The following TBC1D22B variants were observed in gnomAD, a reference collection of about 807,000 sequenced individuals.
TBC1D22B encodes the protein TBC1 domain family member 22B.
A neutral mutation model predicts 69.1 loss-of-function variants in TBC1D22B; 32 were observed. The ratio of observed to expected loss-of-function variants is 0.46; its 90% CI spans 0.35 to 0.62. TBC1D22B has a LOEUF of 0.62. TBC1D22B is among the 20% of genes least tolerant of loss of function. The pLI is 0.00. For missense variants in TBC1D22B, 462 were observed against 630.9 expected, an observed-to-expected ratio of 0.73 and a Z score of 2.87; for synonymous variants, 206 against 229.8, an observed-to-expected ratio of 0.90 and a Z score of 0.94.
chr6:37,280,682 G>C (rs1241917521), intron 3 of TBC1D22B, among the ~76,000 whole-genome samples: 1 of 152,234 alleles, frequency 6.6e-6, no homozygotes, highest in Non-Finnish European at 1.5e-5. Context: ...CCCCCGCCCA[G>C]CCCAGAGCAT....
At chr6:37,262,458 C>G (rs1447942406) in intron 1 of TBC1D22B, among the ~76,000 whole-genome samples, 1 of 152,244 alleles carries the variant, frequency 6.6e-6, no homozygotes, top group Non-Finnish European at 1.5e-5. Context: ...GTTGGGATTA[C>G]AGGCATGAGC....
chr6:37,293,380 C>G (rs1458823425), intron 8 of TBC1D22B, among the ~76,000 whole-genome samples: 1 of 152,120 alleles, frequency 6.6e-6, no homozygotes, highest in Non-Finnish European at 1.5e-5. Context: ...CCTGGCCCAA[C>G]TTTACATTAT....
At chr6:37,286,749 G>A (rs1436875314) in intron 6 of TBC1D22B, among the ~76,000 whole-genome samples, 1 of 151,904 alleles carries the variant, frequency 6.6e-6, no homozygotes, top group Non-Finnish European at 1.5e-5. Flanking sequence ...TTCGAGATCA[G>A]CCTGGTCAAC....
chr6:37,266,743 G>A (rs1218888780), intron 1 of TBC1D22B, among the ~76,000 whole-genome samples: 1 of 151,322 alleles, frequency 6.6e-6, no homozygotes, highest in Non-Finnish European at 1.5e-5. Context: ...GATTACAGGC[G>A]TGAGCCACCG....
At chr6:37,282,511 A>G in intron 4 of TBC1D22B, 147 bp downstream of exon 4, 1 of 1,014,642 alleles carries the variant, frequency 9.9e-7, no homozygotes, top group East Asian at 2.6e-5. Context: ...GCAGGTATTA[A>G]GTCAGACATA....
At position 37,332,189 on chromosome 6, in the gene TBC1D22B, G is replaced by A. The variant is rs1409006003; in HGVS notation, c.*1017G>A. ...GCTGTGAGGGGTAGAACGGGAGGCT[G>A]CTGAAGTGAGTAGCTGAGCAGCTGG... On this transcript the variant is annotated 3_prime_UTR_variant, in exon 13 of 13. Coordinates refer to ENST00000373491, the MANE Select transcript of TBC1D22B (RefSeq NM_017772.4). The A allele has an allele frequency of 6.6e-6, 1 of 152,488 alleles. No homozygotes were observed. The highest frequency in any genetic ancestry group is 1.5e-5 in the Non-Finnish European group (1 of 68,056). 9.4% of individuals were successfully genotyped at this position (152,488 alleles called of 1,614,324 possible).
chr6:37,281,891 G>A (rs991489944), intron 3 of TBC1D22B, among the ~76,000 whole-genome samples: 1 of 152,084 alleles, frequency 6.6e-6, no homozygotes, highest in African/African-American at 2.4e-5. Flanking sequence ...GTCTCTGTTA[G>A]CACCTTTAGA....
intron 2 of TBC1D22B, among the ~76,000 whole-genome samples, chr6:37,270,322 G>A (rs985778700): frequency 1.3e-5 from 2 of 151,976 alleles, no homozygotes; most frequent in African/African-American, 2.4e-5. Context: ...TTGGTGGCAG[G>A]CAGCTGTAAT....
intron 8 of TBC1D22B, among the ~76,000 whole-genome samples, chr6:37,294,458 T>C (rs1435439258): frequency 6.6e-6 from 1 of 152,142 alleles, no homozygotes; most frequent in Non-Finnish European, 1.5e-5. Flanking sequence ...AAGTACGTAG[T>C]AGCCACTATG....
intron 1 of TBC1D22B, among the ~76,000 whole-genome samples, chr6:37,258,494 C>T (rs924238235): frequency 6.6e-6 from 1 of 152,146 alleles, no homozygotes; most frequent in Non-Finnish European, 1.5e-5. Context: ...CCTGACCTTA[C>T]TTTATCTTGA....
intron 8 of TBC1D22B, among the ~76,000 whole-genome samples, chr6:37,307,313 A>G (rs1767752703): frequency 6.6e-6 from 1 of 150,832 alleles, no homozygotes; most frequent in Non-Finnish European, 1.5e-5. Flanking sequence ...TATTTTTCTC[A>G]GTCAGTTTAC....
intron 8 of TBC1D22B, among the ~76,000 whole-genome samples, chr6:37,292,878 C>G (rs939546740): frequency 6.6e-6 from 1 of 152,130 alleles, no homozygotes; most frequent in Non-Finnish European, 1.5e-5. Context: ...GATATGACTG[C>G]TTTCTGATCT....
intron 12 of TBC1D22B, among the ~76,000 whole-genome samples, chr6:37,323,287 G>A (rs891367422): frequency 2.0e-5 from 3 of 152,146 alleles, no homozygotes; most frequent in African/African-American, 7.2e-5. Flanking sequence ...CAGCGCTTTG[G>A]GAGACTGAGG....
intron 12 of TBC1D22B, among the ~76,000 whole-genome samples, chr6:37,326,947 G>A (rs1768423297): frequency 6.6e-6 from 1 of 152,204 alleles, no homozygotes; most frequent in Non-Finnish European, 1.5e-5. Context: ...CTAAGGTACA[G>A]AAAAGACTGA....
At chr6:37,272,089 A>T (rs139464655) in intron 2 of TBC1D22B, among the ~76,000 whole-genome samples, 1,516 of 151,056 alleles carry the variant, frequency 0.01, 38 homozygotes, top group Admixed American at 0.043. Flanking sequence ...TTTTCTTTTG[A>T]GATAGGGTCG....
intron 8 of TBC1D22B, among the ~76,000 whole-genome samples, chr6:37,305,940 C>CA (rs1472937641): frequency 6.6e-6 from 1 of 152,120 alleles, no homozygotes; most frequent in Admixed American, 6.5e-5. Flanking sequence ...TTTTAGCAGC[C>CA]ACCCTATTTG....
intron 1 of TBC1D22B, among the ~76,000 whole-genome samples, chr6:37,268,483 C>T (rs1766375666): frequency 6.6e-6 from 1 of 152,158 alleles, no homozygotes; most frequent in South Asian, 2.1e-4. Flanking sequence ...TTTGCCGTGG[C>T]CTCCCAAAGT....
intron 8 of TBC1D22B, among the ~76,000 whole-genome samples, chr6:37,300,060 T>C (rs982642583): frequency 4.6e-5 from 7 of 151,376 alleles, no homozygotes; most frequent in African/African-American, 9.7e-5. Flanking sequence ...TTTCTTCTAA[T>C]ACTCTTGTGG....
chr6:37,265,982 G>A lies in TBC1D22B; in HGVS notation c.57-3612G>A, dbSNP rs373311454. ...ATTAAATTATAAAAATGGGAGGGAG[G>A]AAGAAAATCAACATTTCTTGGGCAC... On this transcript the variant is annotated intron_variant, in intron 1 of 12. Transcript: ENST00000373491. Among the ~76,000 whole-genome samples the A allele has an allele frequency of 1.8e-4, 27 of 152,222 alleles. No individual in the cohort carries two copies. The East Asian group carries it at 4.8e-3, about 27-fold the overall frequency.
Sources: allele counts gnomAD v4.1 joint callset (sites outside exome capture counted in the v4.1 genomes callset), GRCh38; gene constraint gnomAD v4.1.1; transcripts MANE v1.5; gene names NCBI Gene and HGNC (gene_info 2026-07-23, HGNC 2026-07-21).